Variants in SLIT1 observed in about 807,000 individuals in gnomAD.
SLIT1 encodes slit guidance ligand 1.
In SLIT1, 66 loss-of-function variants were observed where a neutral mutation model predicts 186.1. The ratio of observed to expected loss-of-function variants is 0.35; its 90% CI spans 0.29 to 0.44. SLIT1 has a LOEUF of 0.44. Among genes scored for constraint, SLIT1 ranks in the 20% least tolerant of loss-of-function variants. The probability of loss-of-function intolerance (pLI) is 1.00; values close to 1 mark genes in which losing one functional copy is unlikely to be tolerated. For missense variants in SLIT1, 1,638 were observed against 2,037.4 expected (o/e 0.80, Z 3.77); for synonymous variants, 761 against 833.8 (o/e 0.91, Z 1.50).
At position 97,185,883 on chromosome 10, in the gene SLIT1, G is replaced by T. The variant is rs911049492; in HGVS notation, c.-209C>A. On this transcript the variant is annotated 5_prime_UTR_variant, in exon 1 of 37. Transcript: ENST00000266058. ...GAGGGAGGGCGCCTTGGGCGGAGGG[G>T]GCTCGGCTCCTCTGCCGTTTCGCCG... The T allele has an allele frequency of 4.0e-6, 2 of 501,054 alleles. No homozygotes were observed. Among genetic ancestry groups the T allele is most frequent in the Non-Finnish European group, 6.9e-6 (2 of 288,568 alleles). 31.0% of individuals were successfully genotyped at this position (501,054 alleles called of 1,614,324 possible). A position where few individuals can be genotyped will look rare whatever the true frequency, so the allele number is the denominator to read the frequency against.
At chr10:97,144,268 G>A (rs191252269) in intron 4 of SLIT1, among the ~76,000 whole-genome samples, 4 of 152,208 alleles carry the variant, frequency 2.6e-5, no homozygotes, top group South Asian at 2.1e-4. Flanking sequence ...GTAAGGCACT[G>A]TATCCAGGGG....
At chr10:97,039,464 C>T (rs1488963454) in intron 21 of SLIT1, among the ~76,000 whole-genome samples, 1 of 152,128 alleles carries the variant, frequency 6.6e-6, no homozygotes, top group African/African-American at 2.4e-5. Context: ...CTTGGAAGAC[C>T]ATCAGGCAAA....
rs1848290328 is a variant in SLIT1 at position 97,000,102 on chromosome 10, G to A, written c.*1010C>T. ...TGCCCCGAGTGATAGAGCCAGCAGG[G>A]ACTTCCCAATGCCTGGAGCACTGTC... On this transcript the variant is annotated 3_prime_UTR_variant, in exon 37 of 37. Coordinates refer to ENST00000266058, the MANE Select transcript of SLIT1 (RefSeq NM_003061.3). 1 of 152,234 alleles carries A rather than the reference G, an allele frequency of 6.6e-6. No individual in the cohort carries two copies. The highest frequency in any genetic ancestry group is 6.5e-5 in the Admixed American group (1 of 15,280). The allele number at this position is 152,234 out of a possible 1,614,324, so 9.4% of individuals were successfully genotyped here. A position where few individuals can be genotyped will look rare whatever the true frequency, so the allele number is the denominator to read the frequency against.
chr10:97,064,774 AC>A, intron 6 of SLIT1, 30 bp downstream of exon 6: 1 of 1,546,244 alleles, frequency 6.5e-7, no homozygotes, highest in Non-Finnish European at 8.8e-7. Context: ...GGCCCTCCAC[AC>A]CCCTCCTTCC....
chr10:97,025,827 C>T (rs996383268), intron 25 of SLIT1, among the ~76,000 whole-genome samples: 1 of 152,202 alleles, frequency 6.6e-6, no homozygotes, highest in Non-Finnish European at 1.5e-5. Context: ...ATAGCGCCCC[C>T]TGGCTGTCTT....
chr10:97,019,413 T>C (rs904805325), intron 26 of SLIT1, among the ~76,000 whole-genome samples: 1 of 152,178 alleles, frequency 6.6e-6, no homozygotes, highest in Non-Finnish European at 1.5e-5. Flanking sequence ...TAGGGCCGCA[T>C]GATCCATGTA....
chr10:97,057,668 CAT>C (rs1848853572), intron 11 of SLIT1: 2 of 370,100 alleles, frequency 5.4e-6, no homozygotes, highest in Non-Finnish European at 9.8e-6. Flanking sequence ...GAATAATTAA[CAT>C]ATTTTCAGAG....
chr10:97,167,660 A>G (rs767582621), intron 1 of SLIT1, among the ~76,000 whole-genome samples: 1 of 152,188 alleles, frequency 6.6e-6, no homozygotes, highest in Non-Finnish European at 1.5e-5. Context: ...CCGGCTTGAT[A>G]TGGTTTGGCT....
intron 25 of SLIT1, among the ~76,000 whole-genome samples, chr10:97,028,554 T>G (rs1848566065): frequency 6.6e-6 from 1 of 152,218 alleles, no homozygotes; most frequent in Non-Finnish European, 1.5e-5. Context: ...TGCTGTTCCC[T>G]CTTCCTAGAA....
chr10:97,001,131 C>A lies in SLIT1; in HGVS notation c.4586G>T (p.Gly1529Val), dbSNP rs1848303772. Residue 1529 changes from glycine (G) to valine (V), a missense_variant, in exon 37 of 37, where the codon GGC (glycine) becomes GTC (valine). Around this residue, in one of 3 missense-constraint regions of SLIT1, gnomAD observed 220 missense variants for 211.3 expected, o/e 1.04. Coordinates refer to ENST00000266058, the MANE Select transcript of SLIT1 (RefSeq NM_003061.3). ...CCAGCGCTATGCGCAGAGGGCACAG[C>A]CACACTTGGTGGGCTTTTCCACCTC... ...AEEVEKPTKC[G>V]CALCA 2 of 1,612,852 alleles carry A rather than the reference C, an allele frequency of 1.2e-6. No individual in the cohort carries two copies. Among genetic ancestry groups the A allele is most frequent in the African/African-American group, 2.7e-5 (2 of 74,942 alleles).
chr10:97,060,914 G>T, intron 8 of SLIT1, 127 bp from the exon 9 acceptor site: 3 of 1,020,596 alleles, frequency 2.9e-6, no homozygotes, highest in Non-Finnish European at 4.1e-6. Context: ...GAACCAGAGG[G>T]GATCACTAAT....
rs2134589917 is a variant in SLIT1 at position 97,008,515 on chromosome 10, T to C, written c.3342-1795A>G. Reference sequence around the variant, plus strand: ...TTCAAGACCAGCCTGGCTAACATGGTGAAAACCAGTTTCTACTAAAAATAC... The same window carrying C: ...TTCAAGACCAGCCTGGCTAACATGGCGAAAACCAGTTTCTACTAAAAATAC... On this transcript the variant is annotated intron_variant, in intron 31 of 36. Transcript: ENST00000266058. Among the ~76,000 whole-genome samples the C allele has an allele frequency of 2.0e-5, 3 of 152,222 alleles. No individual in the cohort carries two copies. The South Asian group carries it at 6.2e-4, about 32-fold the overall frequency.
intron 13 of SLIT1, among the ~76,000 whole-genome samples, chr10:97,052,976 CA>C (rs925337751): frequency 6.6e-6 from 1 of 152,112 alleles, no homozygotes; most frequent in African/African-American, 2.4e-5. Context: ...ACAGAAAAAG[CA>C]CAATTAAAGG....
At chr10:97,181,357 G>A (rs1290933263) in intron 1 of SLIT1, among the ~76,000 whole-genome samples, 1 of 152,250 alleles carries the variant, frequency 6.6e-6, no homozygotes, top group Non-Finnish European at 1.5e-5. Context: ...ATTATTATTT[G>A]GAATTTCAAA....
intron 21 of SLIT1, among the ~76,000 whole-genome samples, chr10:97,039,756 C>G (rs1374233539): frequency 6.6e-6 from 1 of 152,264 alleles, no homozygotes; most frequent in African/African-American, 2.4e-5. Context: ...AGGGAGGAAG[C>G]ACTCGCTGCC....
At chr10:97,050,218 G>A (rs1224751631) in intron 13 of SLIT1, among the ~76,000 whole-genome samples, 1 of 152,210 alleles carries the variant, frequency 6.6e-6, no homozygotes, top group African/African-American at 2.4e-5. Context: ...GCCCTGCCAT[G>A]GCCACTTTTC....
At position 97,043,711 on chromosome 10, in the gene SLIT1, C is replaced by G. The variant is rs866069052; in HGVS notation, c.1854-198G>C. 5.9e-5 allele frequency among the ~76,000 whole-genome samples: 9 copies of G among 152,314 alleles called. No individual in the cohort carries two copies. The highest frequency in any genetic ancestry group is 7.3e-5 in the Non-Finnish European group (5 of 68,030). ...ACACCTGTGCCCACTCCAGACCCGCCCCCGCCTCTGAGAAGCCTCGAGGCT... is the reference window on the plus strand; with the variant it reads ...ACACCTGTGCCCACTCCAGACCCGCGCCCGCCTCTGAGAAGCCTCGAGGCT... On this transcript the variant is annotated intron_variant, in intron 18 of 36. Transcript: ENST00000266058. This position sits in a 1 kb window ranked among gnomAD's most constrained non-coding sequence, Gnocchi z 7.0.
chr10:97,027,913 G>C (rs146374428), intron 25 of SLIT1, among the ~76,000 whole-genome samples: 45 of 152,192 alleles, frequency 3.0e-4, no homozygotes, highest in Middle Eastern at 6.8e-3. Context: ...ATACATTAAG[G>C]GGGGGCGGAA....
intron 1 of SLIT1, among the ~76,000 whole-genome samples, chr10:97,177,030 A>G (rs1850265406): frequency 6.6e-6 from 1 of 152,124 alleles, no homozygotes; most frequent in Admixed American, 6.5e-5. Flanking sequence ...AAATCACCGG[A>G]ATCGCCTTGC....
Sources: allele counts gnomAD v4.1 joint callset (sites outside exome capture counted in the v4.1 genomes callset), GRCh38; gene constraint gnomAD v4.1.1; regional missense constraint gnomAD v4.1.1; non-coding constraint Gnocchi (gnomAD v3.1); transcripts MANE v1.5; gene names NCBI Gene and HGNC (gene_info 2026-07-23, HGNC 2026-07-21).